The following DPYD variants were observed in gnomAD, a reference collection of about 807,000 sequenced individuals.
The protein encoded by DPYD is dihydropyrimidine dehydrogenase, also known as dihydropyrimidine dehydrogenase [NADP(+)].
A neutral mutation model predicts 116.2 loss-of-function variants in DPYD; 109 were observed. The observed-to-expected ratio is 0.94, with a 90% CI of 0.80 to 1.10. DPYD has a LOEUF of 1.10. Among genes scored for constraint, DPYD ranks in the 50% least tolerant of loss-of-function variants. The probability of loss-of-function intolerance (pLI) is 0.00; values close to 1 mark genes in which losing one functional copy is unlikely to be tolerated. For missense variants in DPYD, 1,302 were observed against 1,254.5 expected (o/e 1.04, Z -0.57); for synonymous variants, 440 against 432.0 (o/e 1.02, Z -0.23).
At chr1:97,160,691 A>G (rs1054044916) in intron 20 of DPYD, among the ~76,000 whole-genome samples, 1 of 152,180 alleles carries the variant, frequency 6.6e-6, no homozygotes, top group Non-Finnish European at 1.5e-5. Context: ...ACAGCCTTAC[A>G]CATAGAACTA....
Position 97,578,445 on chromosome 1 carries a change from C to T in DPYD, c.1129-4475G>A, listed in dbSNP as rs188179633. ...TTAGCATACAGCCTTAGGCACACTGCTGCTTGCTGGCCTCACAAAGAAAAA... is the reference window on the plus strand; with the variant it reads ...TTAGCATACAGCCTTAGGCACACTGTTGCTTGCTGGCCTCACAAAGAAAAA... On this transcript the variant is annotated intron_variant, in intron 10 of 22. Transcript: ENST00000370192. 3.6e-3 allele frequency among the ~76,000 whole-genome samples: 545 copies of T among 152,192 alleles called. 1 individual carries two copies. Among genetic ancestry groups the T allele is most frequent in the Admixed American group, 7.1e-3 (108 of 15,286 alleles).
At chr1:97,082,235 G>T (rs1649206039) in intron 22 of DPYD, 95 bp downstream of exon 22, 1 of 1,511,304 alleles carries the variant, frequency 6.6e-7, no homozygotes, top group Non-Finnish European at 9.2e-7. Context: ...GGCACCACTG[G>T]TTTAAATTTC....
At chr1:97,298,292 A>C (rs556080512) in intron 18 of DPYD, among the ~76,000 whole-genome samples, 2 of 152,184 alleles carry the variant, frequency 1.3e-5, no homozygotes, top group Admixed American at 1.3e-4. Flanking sequence ...AAGGCCCTCC[A>C]AGCCTTATGT....
intron 16 of DPYD, among the ~76,000 whole-genome samples, chr1:97,368,182 G>T (rs769333949): frequency 6.6e-6 from 1 of 152,008 alleles, no homozygotes; most frequent in Non-Finnish European, 1.5e-5. Flanking sequence ...ACTTTGATAC[G>T]CCAAAATAAC....
chr1:97,872,477 TA>T (rs1284915250), intron 2 of DPYD, among the ~76,000 whole-genome samples: 1 of 151,948 alleles, frequency 6.6e-6, no homozygotes, highest in Non-Finnish European at 1.5e-5. Flanking sequence ...CTGAAATAAA[TA>T]ATTAAAGCAA....
At chr1:97,432,274 C>T (rs1188043220) in intron 14 of DPYD, among the ~76,000 whole-genome samples, 1 of 152,018 alleles carries the variant, frequency 6.6e-6, no homozygotes, top group Admixed American at 6.6e-5. Context: ...TTTTAGAGCC[C>T]TCTCCCACAC....
chr1:97,637,281 A>G (rs1401697298), intron 8 of DPYD, among the ~76,000 whole-genome samples: 1 of 152,124 alleles, frequency 6.6e-6, no homozygotes, highest in East Asian at 1.9e-4. Context: ...TGTCTTTCCT[A>G]AAGAAACCTA....
At chr1:97,419,065 C>CT (rs1674439092) in intron 14 of DPYD, among the ~76,000 whole-genome samples, 1 of 152,098 alleles carries the variant, frequency 6.6e-6, no homozygotes, top group Admixed American at 6.6e-5. Flanking sequence ...GATCATTTGA[C>CT]TTTTTCTTAT....
At chr1:97,862,786 A>T (rs985683546) in intron 2 of DPYD, among the ~76,000 whole-genome samples, 1 of 151,942 alleles carries the variant, frequency 6.6e-6, no homozygotes, top group African/African-American at 2.4e-5. Context: ...ACCTAATATT[A>T]TATCAAATTA....
chr1:97,396,563 A>C lies in DPYD; in HGVS notation c.1906-14102T>G, dbSNP rs547310382. ...AAGAAATAATAAAATTAGAGGAAAG[A>C]ATGAGTGAGCAGGAACCAATGGGAT... On this transcript the variant is annotated intron_variant, in intron 14 of 22. Coordinates refer to ENST00000370192, the MANE Select transcript of DPYD (RefSeq NM_000110.4). Among the ~76,000 whole-genome samples, 8 of 152,166 alleles carry C rather than the reference A, an allele frequency of 5.3e-5. No homozygotes were observed. The South Asian group carries it at 1.5e-3, about 28-fold the overall frequency.
At chr1:97,794,326 T>C (rs1667462857) in intron 3 of DPYD, among the ~76,000 whole-genome samples, 1 of 152,088 alleles carries the variant, frequency 6.6e-6, no homozygotes, top group Non-Finnish European at 1.5e-5. Flanking sequence ...CTTGAATCCA[T>C]AATATTGTTT....
chr1:97,597,571 A>G (rs1654971856), intron 8 of DPYD, among the ~76,000 whole-genome samples: 1 of 152,294 alleles, frequency 6.6e-6, no homozygotes, highest in African/African-American at 2.4e-5. Context: ...TTGCTGGGAA[A>G]GCCTTTTGTT....
intron 10 of DPYD, among the ~76,000 whole-genome samples, chr1:97,582,555 G>T (rs930628985): frequency 6.6e-6 from 1 of 152,032 alleles, no homozygotes; most frequent in African/African-American, 2.4e-5. Context: ...ATTTTGAGTG[G>T]TGAAATGCAG....
chr1:97,684,556 T>C (rs892030792), intron 7 of DPYD, among the ~76,000 whole-genome samples: 2 of 150,628 alleles, frequency 1.3e-5, no homozygotes, highest in African/African-American at 2.4e-5. Flanking sequence ...CGGGAGCTGG[T>C]TTTTTGAAAA....
chr1:97,819,276 T>C (rs1241296773), intron 3 of DPYD, among the ~76,000 whole-genome samples: 1 of 152,028 alleles, frequency 6.6e-6, no homozygotes, highest in Non-Finnish European at 1.5e-5. Context: ...CTGATCTATT[T>C]AGTGATAGAA....
At chr1:97,662,776 A>G (rs1356850383) in intron 8 of DPYD, among the ~76,000 whole-genome samples, 2 of 152,200 alleles carry the variant, frequency 1.3e-5, no homozygotes, top group African/African-American at 4.8e-5. Flanking sequence ...GGATGGGGCA[A>G]TGGCAACACC....
At chr1:97,907,253 T>C (rs533980272) in intron 1 of DPYD, among the ~76,000 whole-genome samples, 1 of 152,276 alleles carries the variant, frequency 6.6e-6, no homozygotes, top group South Asian at 2.1e-4. Flanking sequence ...GGGGAACTGC[T>C]GTGTTTAATT....
rs150730064 is a variant in DPYD, at chr1:97,749,490, C to A, written c.234-9011G>T. ...TCCTTCCAAAGCTTTACAAAGAATT[C>A]AGTTAAGAGTTTTAATAGAGAATTT... On this transcript the variant is annotated intron_variant, in intron 3 of 22. Transcript: ENST00000370192. Among the ~76,000 whole-genome samples, 4 of 152,218 alleles carry A rather than the reference C, an allele frequency of 2.6e-5. No individual in the cohort carries two copies. In the East Asian group the frequency reaches 7.7e-4, roughly 29 times the overall value.
intron 8 of DPYD, 52 bp downstream of exon 8, chr1:97,679,043 G>A (rs1226388745): frequency 6.8e-6 from 6 of 883,288 alleles, no homozygotes; most frequent in Non-Finnish European, 8.3e-6. Flanking sequence ...GATATTGCTA[G>A]GAAATAAAAA....
Sources: gnomAD v4.1 joint callset for allele counts (sites outside exome capture counted in the v4.1 genomes callset) on GRCh38, gnomAD v4.1.1 for gene constraint, MANE v1.5 for transcripts, NCBI Gene and HGNC (gene_info 2026-07-23, HGNC 2026-07-21) for gene names.